The following CACNA2D3 variants were observed in gnomAD, a reference collection of about 807,000 sequenced individuals.
CACNA2D3 encodes the protein calcium voltage-gated channel auxiliary subunit alpha2delta 3.
In CACNA2D3, 60 loss-of-function variants were observed where a neutral mutation model predicts 160.6. The observed-to-expected ratio is 0.37, with a 90% CI of 0.30 to 0.46. The LOEUF (loss-of-function observed/expected upper bound fraction) is 0.46, where lower values mean the gene tolerates loss of function less well. Ranked by LOEUF, CACNA2D3 falls within the 20% of genes least tolerant of loss-of-function variation. CACNA2D3 has a pLI of 1.00. For synonymous variants in CACNA2D3, 558 were observed against 492.9 expected (o/e 1.13, Z -1.75); for missense variants, 1,205 against 1,365.0 (o/e 0.88, Z 1.85).
At chr3:54,938,740 G>A (rs904172827) in intron 27 of CACNA2D3, among the ~76,000 whole-genome samples, 1 of 152,012 alleles carries the variant, frequency 6.6e-6, no homozygotes, top group East Asian at 1.9e-4. Context: ...TCTTTCAAGG[G>A]AAACACAAAA....
intron 3 of CACNA2D3, among the ~76,000 whole-genome samples, chr3:54,346,769 T>C (rs1309663462): frequency 6.6e-6 from 1 of 152,228 alleles, no homozygotes; most frequent in African/African-American, 2.4e-5. Context: ...GTGTGTAATG[T>C]CCTGTATCCG....
intron 33 of CACNA2D3, among the ~76,000 whole-genome samples, chr3:55,008,122 A>G (rs1342373438): frequency 6.6e-6 from 1 of 152,186 alleles, no homozygotes; most frequent in African/African-American, 2.4e-5. Flanking sequence ...TCAATTTCAC[A>G]TGGATGTCTG....
chr3:54,476,063 T>TTA (rs58815238), intron 4 of CACNA2D3, among the ~76,000 whole-genome samples: 10 of 150,520 alleles, frequency 6.6e-5, no homozygotes, highest in Non-Finnish European at 3.0e-5. Context: ...TTTTTTTTTT[T>TTA]AGATTTCACA....
chr3:54,274,400 A>G (rs1013070157), intron 2 of CACNA2D3, among the ~76,000 whole-genome samples: 1 of 152,030 alleles, frequency 6.6e-6, no homozygotes, highest in African/African-American at 2.4e-5. Context: ...TTCAAGTGCA[A>G]GTCTCCTCAG....
intron 4 of CACNA2D3, among the ~76,000 whole-genome samples, chr3:54,478,981 G>T (rs1471653010): frequency 6.6e-6 from 1 of 150,864 alleles, no homozygotes; most frequent in African/African-American, 2.4e-5. Context: ...ATATGATTTG[G>T]CTATATCCCC....
At chr3:55,044,122 G>A (rs1704021376) in intron 35 of CACNA2D3, among the ~76,000 whole-genome samples, 1 of 151,960 alleles carries the variant, frequency 6.6e-6, no homozygotes. Context: ...TTTAAAATAC[G>A]CTTGTCTAGA....
In CACNA2D3 at chr3:55,051,961, G is replaced by C. The variant is rs956924143; in HGVS notation, c.2988-21484G>C. 2.6e-5 allele frequency among the ~76,000 whole-genome samples: 4 copies of C among 152,078 alleles called. 1 individual carries two copies. Among genetic ancestry groups the C allele is most frequent in the South Asian group, 2.1e-4 (1 of 4,824 alleles). Reference sequence around the variant, plus strand: ...GTGAGGCAATGCCTCGCCCTGCTTCGCCTCGTGCACGGTGCACACACCCAT... The same window carrying C: ...GTGAGGCAATGCCTCGCCCTGCTTCCCCTCGTGCACGGTGCACACACCCAT... On this transcript the variant is annotated intron_variant, in intron 35 of 37. Transcript: ENST00000474759.
At chr3:54,759,274 A>C (rs1702037078) in intron 12 of CACNA2D3, among the ~76,000 whole-genome samples, 1 of 152,194 alleles carries the variant, frequency 6.6e-6, no homozygotes, top group Non-Finnish European at 1.5e-5. Context: ...AGGTCCAAAA[A>C]AGCACATTAA....
chr3:54,351,280 C>T (rs759478183), intron 3 of CACNA2D3, among the ~76,000 whole-genome samples: 1 of 151,998 alleles, frequency 6.6e-6, no homozygotes, highest in Non-Finnish European at 1.5e-5. Context: ...CCGCGCCCGG[C>T]CTTGAGTCTG....
chr3:54,935,833 T>C (rs1303689928), intron 27 of CACNA2D3, among the ~76,000 whole-genome samples: 1 of 152,208 alleles, frequency 6.6e-6, no homozygotes, highest in East Asian at 1.9e-4. Context: ...TCTATATGAG[T>C]TCTTTGATAT....
intron 8 of CACNA2D3, among the ~76,000 whole-genome samples, chr3:54,572,594 A>C (rs532327976): frequency 1.9e-3 from 284 of 152,342 alleles, no homozygotes; most frequent in Non-Finnish European, 3.0e-3. Context: ...AGAAGTGAAG[A>C]GGATATAGTT....
At position 54,319,203 on chromosome 3, in the gene CACNA2D3, C is replaced by CA. The variant is rs1559448369; in HGVS notation, c.205-1239_205-1238insA. 2.1e-3 allele frequency among the ~76,000 whole-genome samples: 314 copies of CA among 149,958 alleles called. 1 individual carries two copies. Among genetic ancestry groups the CA allele is most frequent in the African/African-American group, 7.1e-3 (291 of 40,782 alleles). On this transcript the variant is annotated intron_variant, in intron 2 of 37. Transcript: ENST00000474759. ...ACACACACACACACACACACACACC[C>CA]TTCCTCGAGTCAAGGAGAAACTGAG...
intron 2 of CACNA2D3, among the ~76,000 whole-genome samples, chr3:54,176,650 A>G (rs1456414520): frequency 6.6e-6 from 1 of 152,204 alleles, no homozygotes; most frequent in East Asian, 1.9e-4. Flanking sequence ...TGTCATTGTC[A>G]TCTCACTCAT....
chr3:55,013,196 A>G (rs1342000901), intron 34 of CACNA2D3, among the ~76,000 whole-genome samples: 1 of 152,178 alleles, frequency 6.6e-6, no homozygotes, highest in Non-Finnish European at 1.5e-5. Context: ...AGATCTGTTC[A>G]ACATACCTGA....
chr3:54,408,368 C>A (rs1699612230), intron 4 of CACNA2D3, among the ~76,000 whole-genome samples: 1 of 152,026 alleles, frequency 6.6e-6, no homozygotes, highest in South Asian at 2.1e-4. Context: ...ACAGACCAGG[C>A]AAAACCAAAA....
chr3:54,432,983 T>TA lies in CACNA2D3; in HGVS notation c.381+46215dup, dbSNP rs138511734. Among the ~76,000 whole-genome samples, 511 of 152,260 alleles carry TA rather than the reference T, an allele frequency of 3.4e-3. 20 individuals carry two copies. The East Asian group carries it at 0.074, about 22-fold the overall frequency. On this transcript the variant is annotated intron_variant, in intron 4 of 37. Transcript: ENST00000474759. ...AAATTAAGTGGTGGAATTATTTTTTTAAAAAATTCAAAAGTTTTAAATTTG... is the reference window on the plus strand; with the variant it reads ...AAATTAAGTGGTGGAATTATTTTTTTAAAAAAATTCAAAAGTTTTAAATTTG...
chr3:55,072,214 A>C (rs1201165160), intron 35 of CACNA2D3, among the ~76,000 whole-genome samples: 1 of 152,166 alleles, frequency 6.6e-6, no homozygotes, highest in African/African-American at 2.4e-5. Context: ...GCATTGAGGA[A>C]ACATCTTTGC....
chr3:54,123,456 TG>T, intron 1 of CACNA2D3, 56 bp from the exon 2 acceptor site: 2 of 1,142,966 alleles, frequency 1.7e-6, no homozygotes, highest in Non-Finnish European at 2.7e-6. Flanking sequence ...TGCGTGTGCG[TG>T]CGTGTTGACT....
chr3:54,832,225 C>G lies in CACNA2D3; in HGVS notation c.1399-4934C>G, dbSNP rs186671876. On this transcript the variant is annotated intron_variant, in intron 14 of 37. Coordinates refer to ENST00000474759, the MANE Select transcript of CACNA2D3 (RefSeq NM_018398.3). The stretch of plus-strand genomic sequence containing the variant: ...AGAAAAACATCTCAGGTAGCCTAGC[C>G]TGAACTACATGCCTAGTTAATAAAC... Among the ~76,000 whole-genome samples, 11 of 152,302 alleles carry G rather than the reference C, an allele frequency of 7.2e-5. No individual in the cohort carries two copies. The East Asian group carries it at 1.7e-3, about 24-fold the overall frequency.
Sources: gnomAD v4.1 joint callset for allele counts (sites outside exome capture counted in the v4.1 genomes callset) on GRCh38, gnomAD v4.1.1 for gene constraint, MANE v1.5 for transcripts, NCBI Gene and HGNC (gene_info 2026-07-23, HGNC 2026-07-21) for gene names.